XRN1: variants seen among roughly 807,000 people sequenced by gnomAD.
XRN1 encodes the protein strand-exchange protein 1 homolog.
Under a neutral mutation model 222.3 loss-of-function variants are expected in XRN1, and 67 were observed. That is an observed-to-expected ratio of 0.30 (90% CI 0.25 to 0.37). The LOEUF (loss-of-function observed/expected upper bound fraction) is 0.37. Among genes scored for constraint, XRN1 ranks in the 10% least tolerant of loss-of-function variants. The probability of loss-of-function intolerance (pLI) is 1.00; values close to 1 mark genes in which losing one functional copy is unlikely to be tolerated. For synonymous variants in XRN1, 643 were observed against 652.4 expected, an observed-to-expected ratio of 0.99 and a Z score of 0.22; for missense variants, 1,707 against 2,000.2, an observed-to-expected ratio of 0.85 and a Z score of 2.80.
intron 33 of XRN1, among the ~76,000 whole-genome samples, chr3:142,338,004 T>G (rs2065894859): frequency 6.6e-6 from 1 of 152,210 alleles, no homozygotes; most frequent in African/African-American, 2.4e-5. Context: ...CCCCATGGAC[T>G]GAAGTGCTTT....
chr3:142,332,003 T>C (rs2065711695), intron 36 of XRN1, among the ~76,000 whole-genome samples: 1 of 152,192 alleles, frequency 6.6e-6, no homozygotes, highest in Admixed American at 6.5e-5. Flanking sequence ...CTTGAACTCC[T>C]GAGCTTAAGA....
chr3:142,370,097 G>T (rs1213804187), intron 27 of XRN1, among the ~76,000 whole-genome samples: 1 of 151,198 alleles, frequency 6.6e-6, no homozygotes, highest in Non-Finnish European at 1.5e-5. Context: ...AGAAATAGGG[G>T]ATTATTAACC....
At chr3:142,418,100 G>A (rs1394557804) in intron 12 of XRN1, 1 of 174,730 alleles carries the variant, frequency 5.7e-6, no homozygotes, top group Non-Finnish European at 1.2e-5. Context: ...CTTCCAAATT[G>A]TTATGAACTT....
chr3:142,399,791 G>C (rs1201680806), intron 19 of XRN1, among the ~76,000 whole-genome samples: 1 of 140,050 alleles, frequency 7.1e-6, no homozygotes, highest in Non-Finnish European at 1.5e-5. Context: ...CTAAACCTAT[G>C]TGTAAATTTA....
At chr3:142,328,391 C>T (rs950725161) in intron 37 of XRN1, among the ~76,000 whole-genome samples, 2 of 151,918 alleles carry the variant, frequency 1.3e-5, no homozygotes, top group African/African-American at 4.8e-5. Context: ...TCTTCATTGA[C>T]CCAAGGGCCA....
chr3:142,361,560 A>G (rs2107846965), intron 29 of XRN1, among the ~76,000 whole-genome samples: 1 of 152,334 alleles, frequency 6.6e-6, no homozygotes, highest in African/African-American at 2.4e-5. Flanking sequence ...ACGACTGGCA[A>G]TATAGGAGAG....
Position 142,376,533 on chromosome 3 carries a change from T to C in XRN1, c.2777A>G (p.Tyr926Cys). The C allele has an allele frequency of 6.2e-7, 1 of 1,613,526 alleles. No individual in the cohort carries two copies. Among genetic ancestry groups the C allele is most frequent in the Non-Finnish European group, 8.5e-7 (1 of 1,179,640 alleles). Residue 926 changes from tyrosine (Y) to cysteine (C), a missense_variant, in exon 24 of 41, where the codon TAC (tyrosine) becomes TGC (cysteine). This residue lies in a region of XRN1 where 1,234 missense variants were observed against 1,518.2 expected (regional missense o/e 0.81). Transcript: ENST00000392981. ...VLASRLGVSGYLVSRFTGSIF... is the reference protein window; with the variant it reads ...VLASRLGVSGCLVSRFTGSIF... ...ACTTCCTGTAAACCTTGAAACAAGGTATCCACTCACTCCAAGGCGACTGGC... is the reference window on the plus strand; with the variant it reads ...ACTTCCTGTAAACCTTGAAACAAGGCATCCACTCACTCCAAGGCGACTGGC...
At chr3:142,443,101 T>G (rs1160859490) in intron 1 of XRN1, among the ~76,000 whole-genome samples, 1 of 152,170 alleles carries the variant, frequency 6.6e-6, no homozygotes, top group Non-Finnish European at 1.5e-5. Flanking sequence ...AAACTACAAA[T>G]CGTTCTTCAA....
chr3:142,438,241 C>T (rs1035030015), intron 1 of XRN1, among the ~76,000 whole-genome samples: 16 of 151,972 alleles, frequency 1.1e-4, no homozygotes, highest in Admixed American at 7.9e-4. Flanking sequence ...CATTGGGGAG[C>T]GTAACTAATC....
intron 20 of XRN1, among the ~76,000 whole-genome samples, chr3:142,390,670 T>G (rs1364725349): frequency 6.6e-6 from 1 of 152,234 alleles, no homozygotes; most frequent in Non-Finnish European, 1.5e-5. Context: ...TTGCTTATCA[T>G]TGGTGTATTC....
In XRN1 at chr3:142,312,606, G is replaced by A. The variant is rs1258520893; in HGVS notation, c.4774C>T (p.Pro1592Ser). Residue 1592 changes from proline to serine, a missense_variant, in exon 40 of 41, where the codon CCT becomes TCT. Physicochemically the swap from Pro to Ser is moderately conservative, Grantham distance 74. Transcript: ENST00000392981. ...IPGGVHNQFI[P>S]LQVTKKRVAN... ...AATATTATTTTTCTTACCTGCAGAG[G>A]TATAAACTGATTGTGCACACCCCCT... is the stretch of plus-strand genomic sequence containing the variant. 4 of 1,606,086 alleles carry A rather than the reference G, an allele frequency of 2.5e-6. No individual in the cohort carries two copies. The highest frequency in any genetic ancestry group is 1.7e-5 in the Admixed American group (1 of 58,218).
intron 20 of XRN1, among the ~76,000 whole-genome samples, chr3:142,386,623 G>C (rs2067511331): frequency 6.6e-6 from 1 of 151,976 alleles, no homozygotes; most frequent in Admixed American, 6.6e-5. Flanking sequence ...AAGCCAGTAA[G>C]AAAACTATAA....
At chr3:142,390,188 G>A (rs888969521) in intron 20 of XRN1, among the ~76,000 whole-genome samples, 6 of 152,168 alleles carry the variant, frequency 3.9e-5, no homozygotes, top group African/African-American at 1.4e-4. Context: ...AATGAGCACC[G>A]GGTTCAACTT....
At chr3:142,328,398 GC>G (rs1240946231) in intron 37 of XRN1, among the ~76,000 whole-genome samples, 1 of 151,862 alleles carries the variant, frequency 6.6e-6, no homozygotes, top group Non-Finnish European at 1.5e-5. Flanking sequence ...TGACCCAAGG[GC>G]CATTCAGAAA....
At chr3:142,392,330 T>C (rs1321763146) in intron 20 of XRN1, among the ~76,000 whole-genome samples, 2 of 152,096 alleles carry the variant, frequency 1.3e-5, no homozygotes, top group Non-Finnish European at 2.9e-5. Context: ...AATTTCTTTT[T>C]TTTTTTTTTT....
chr3:142,410,671 T>C (rs1373781898), intron 15 of XRN1, among the ~76,000 whole-genome samples: 2 of 151,894 alleles, frequency 1.3e-5, no homozygotes, highest in African/African-American at 4.8e-5. Context: ...ATTTTTGGTA[T>C]TTTTAGTGGA....
At chr3:142,369,055 C>T (rs959621177) in intron 27 of XRN1, among the ~76,000 whole-genome samples, 1 of 152,118 alleles carries the variant, frequency 6.6e-6, no homozygotes, top group Non-Finnish European at 1.5e-5. Flanking sequence ...AAAACCGATT[C>T]AAACTCAGGG....
Position 142,349,416 on chromosome 3 carries a change from T to C in XRN1, c.3769-2074A>G, listed in dbSNP as rs2066243338. Among the ~76,000 whole-genome samples the C allele has an allele frequency of 2.0e-5, 3 of 152,276 alleles. No individual in the cohort carries two copies. In the South Asian group the frequency reaches 6.2e-4, roughly 32 times the overall value. On this transcript the variant is annotated intron_variant, in intron 32 of 40. Transcript: ENST00000392981. ...ACAAGTATTGTCTGAGTGTCTTCTATGTGCCAGGTATGGTAAATGAACTGT... is the reference window on the plus strand; with the variant it reads ...ACAAGTATTGTCTGAGTGTCTTCTACGTGCCAGGTATGGTAAATGAACTGT...
In XRN1 at chr3:142,370,532, C is replaced by T. The variant is rs751428727; in HGVS notation, c.3157G>A (p.Asp1053Asn). 1 of 1,606,990 alleles carries T rather than the reference C, an allele frequency of 6.2e-7. No homozygotes were observed. The highest frequency in any genetic ancestry group is 8.5e-7 in the Non-Finnish European group (1 of 1,177,570). Reference sequence around the variant, plus strand: ...TCAATTTTCTCAACAATAGCTGCATCCAGAATTTGTAAATCACAAGAAGAA... The same window carrying T: ...TCAATTTTCTCAACAATAGCTGCATTCAGAATTTGTAAATCACAAGAAGAA... ...SRSSCDLQIL[D>N]AAIVEKIEEE... The change falls in exon 27 of 41, where the codon GAT becomes AAT. Residue 1053 changes from aspartate to asparagine, a missense_variant. Physicochemically the swap from Asp to Asn is conservative, Grantham distance 23. This residue lies in a region of XRN1 where 1,234 missense variants were observed against 1,518.2 expected (regional missense o/e 0.81). Transcript: ENST00000392981.
Sources: allele counts gnomAD v4.1 joint callset (sites outside exome capture counted in the v4.1 genomes callset), GRCh38; gene constraint gnomAD v4.1.1; regional missense constraint gnomAD v4.1.1; transcripts MANE v1.5; gene names NCBI Gene and HGNC (gene_info 2026-07-23, HGNC 2026-07-21).